The following GPLD1 variants were observed in gnomAD, a reference collection of about 807,000 sequenced individuals.
GPLD1 encodes phosphatidylinositol-glycan-specific phospholipase D.
A neutral mutation model predicts 112.6 loss-of-function variants in GPLD1; 84 were observed. The observed-to-expected ratio is 0.75, with a 90% CI of 0.63 to 0.89. The LOEUF (loss-of-function observed/expected upper bound fraction) is 0.89. GPLD1 is among the 40% of genes least tolerant of loss of function. The pLI is 0.00. For synonymous variants in GPLD1, 386 were observed against 403.8 expected, an observed-to-expected ratio of 0.96 and a Z score of 0.53; for missense variants, 1,044 against 1,051.5, an observed-to-expected ratio of 0.99 and a Z score of 0.10.
At chr6:24,435,230 C>G (rs1362716628) in intron 22 of GPLD1, among the ~76,000 whole-genome samples, 1 of 149,822 alleles carries the variant, frequency 6.7e-6, no homozygotes. Context: ...CCAGGATGGT[C>G]TCGATCTTCT....
Position 24,456,502 on chromosome 6 carries a change from C to T in GPLD1, c.1144G>A (p.Gly382Ser), listed in dbSNP as rs1206869839. The change falls in exon 13 of 25, where the codon GGC becomes AGC. Residue 382 changes from glycine (G) to serine (S), a missense_variant. Transcript: ENST00000230036. ...GTTAGATAAACTTATACGTACCAGC[C>T]AAGCCTCGCATAAGGAAATGACAAG... is the stretch of plus-strand genomic sequence containing the variant. ...YFLSFPYARLGWAMTSADLNQ... is the reference protein window; with the variant it reads ...YFLSFPYARLSWAMTSADLNQ... 4 of 1,603,174 alleles carry T rather than the reference C, an allele frequency of 2.5e-6. No homozygotes were observed. Among genetic ancestry groups the T allele is most frequent in the Non-Finnish European group, 3.4e-6 (4 of 1,174,096 alleles).
intron 18 of GPLD1, among the ~76,000 whole-genome samples, chr6:24,446,447 A>T (rs1486862080): frequency 6.6e-6 from 1 of 151,950 alleles, no homozygotes. Flanking sequence ...GCAGTGAGTT[A>T]CCACTGCCCT....
chr6:24,473,758 C>T (rs1016786136), intron 5 of GPLD1, 91 bp from the exon 6 acceptor site: 55 of 765,508 alleles, frequency 7.2e-5, no homozygotes, highest in Non-Finnish European at 1.3e-5. Context: ...GAGATGACAG[C>T]TAACTCAATG....
intron 10 of GPLD1, among the ~76,000 whole-genome samples, chr6:24,464,914 C>T (rs562290697): frequency 9.2e-5 from 14 of 152,252 alleles, no homozygotes; most frequent in African/African-American, 3.4e-4. Context: ...TTCTCTGGGC[C>T]AGGCATGGTG....
In GPLD1 at chr6:24,446,987, A is replaced by G. The variant is rs765949980; in HGVS notation, c.1679-8T>C. ...CCTCCACGTTCAGTTTTTCTAAAGA[A>G]GACAACTCATCCTTTTTACTAATAC... On this transcript the variant is annotated splice_polypyrimidine_tract_variant and splice_region_variant and intron_variant, in intron 17 of 24. Transcript: ENST00000230036. 22 of 1,612,174 alleles carry G rather than the reference A, an allele frequency of 1.4e-5. No homozygotes were observed. Among genetic ancestry groups the G allele is most frequent in the Non-Finnish European group, 1.7e-5 (20 of 1,178,922 alleles).
chr6:24,469,221 G>A lies in GPLD1; in HGVS notation c.546-1947C>T, dbSNP rs575492735. 1.4e-3 allele frequency among the ~76,000 whole-genome samples: 216 copies of A among 150,104 alleles called. 1 individual carries two copies. Among genetic ancestry groups the A allele is most frequent in the African/African-American group, 5.1e-3 (209 of 40,742 alleles). On this transcript the variant is annotated intron_variant, in intron 7 of 24. Transcript: ENST00000230036. Reference sequence around the variant, plus strand: ...CAACCATTGTGGAAGTCAGTGTGGCGATTCCTCAGGGATCTAGAACTAGAA... The same window carrying A: ...CAACCATTGTGGAAGTCAGTGTGGCAATTCCTCAGGGATCTAGAACTAGAA...
intron 4 of GPLD1, 34 bp downstream of exon 4, chr6:24,476,147 C>G: frequency 8.4e-7 from 1 of 1,184,862 alleles, no homozygotes; most frequent in Non-Finnish European, 1.2e-6. Context: ...AGGTTTGGTG[C>G]TAAATATTTT....
At position 24,437,358 on chromosome 6, in the gene GPLD1, C is replaced by T. The variant is rs1762612581; in HGVS notation, c.2021-69G>A. 4.3e-6 allele frequency: 6 copies of T among 1,399,980 alleles called. No individual in the cohort carries two copies. The Middle Eastern group carries it at 5.4e-4, about 126-fold the overall frequency. 86.7% of individuals were successfully genotyped at this position (1,399,980 alleles called of 1,614,324 possible). A position where few individuals can be genotyped will look rare whatever the true frequency, so the allele number is the denominator to read the frequency against. On this transcript the variant is annotated intron_variant, in intron 20 of 24. Transcript: ENST00000230036. ...CATTACAGAACACGGAATAGCACCC[C>T]ATCCTCAAGTGACACTGATCACTCG...
intron 1 of GPLD1, among the ~76,000 whole-genome samples, chr6:24,487,824 C>T (rs192800651): frequency 3.9e-5 from 6 of 152,218 alleles, no homozygotes; most frequent in East Asian, 1.9e-4. Context: ...GAAAGAACGC[C>T]GGACCAGCTG....
chr6:24,425,245 A>G (rs1015069263), downstream of GPLD1: 2 of 152,210 alleles, frequency 1.3e-5, no homozygotes, highest in Non-Finnish European at 2.9e-5. Flanking sequence ...CATAATAAGT[A>G]CTACTTAACT....
chr6:24,464,880 T>C (rs1763547963), intron 10 of GPLD1, among the ~76,000 whole-genome samples: 1 of 152,144 alleles, frequency 6.6e-6, no homozygotes, highest in Admixed American at 6.6e-5. Flanking sequence ...AGGCTGCATG[T>C]CCAACAGCAT....
At chr6:24,445,923 C>G (rs143847913) in intron 18 of GPLD1, 92 bp from the exon 19 acceptor site, 13 of 845,436 alleles carry the variant, frequency 1.5e-5, no homozygotes, top group Admixed American at 5.6e-5. Context: ...GCACCTCCCC[C>G]CATCCAGGCC....
At chr6:24,431,446 A>G (rs1177889515) in intron 24 of GPLD1, among the ~76,000 whole-genome samples, 1 of 152,182 alleles carries the variant, frequency 6.6e-6, no homozygotes, top group Non-Finnish European at 1.5e-5. Flanking sequence ...TTTCAAGAAC[A>G]GGGACTCTGC....
intron 20 of GPLD1, among the ~76,000 whole-genome samples, chr6:24,442,907 A>G (rs1762793117): frequency 6.6e-6 from 1 of 152,160 alleles, no homozygotes; most frequent in African/African-American, 2.4e-5. Context: ...ACTTTATCAT[A>G]GGAAAAAAAA....
chr6:24,431,894 G>C (rs2127310578), intron 24 of GPLD1, among the ~76,000 whole-genome samples: 1 of 152,178 alleles, frequency 6.6e-6, no homozygotes, highest in East Asian at 1.9e-4. Flanking sequence ...TTTAGATCTA[G>C]CAATCCTACT....
chr6:24,484,507 C>T (rs973893915), intron 2 of GPLD1, among the ~76,000 whole-genome samples: 15 of 152,226 alleles, frequency 9.9e-5, no homozygotes, highest in South Asian at 4.1e-4. Flanking sequence ...TGAGCCATCA[C>T]GCCTGGCCTA....
chr6:24,442,200 G>A (rs1371731399), intron 20 of GPLD1, among the ~76,000 whole-genome samples: 1 of 149,280 alleles, frequency 6.7e-6, no homozygotes, highest in Non-Finnish European at 1.5e-5. Context: ...ATAGCTCACT[G>A]CAGCCTTGAA....
At chr6:24,449,922 C>A (rs774958271) in intron 14 of GPLD1, 23 bp from the exon 15 acceptor site, 1 of 1,551,204 alleles carries the variant, frequency 6.4e-7, no homozygotes, top group South Asian at 1.1e-5. Flanking sequence ...AAGTTTACTT[C>A]CCCTGGGCTG....
At chr6:24,493,074 G>A (rs193098418), upstream of GPLD1, among the ~76,000 whole-genome samples, 266 of 152,216 alleles carry the variant, frequency 1.7e-3, 1 homozygote, top group Middle Eastern at 3.4e-3. Flanking sequence ...AGTGGGTACC[G>A]TTTGAAATAG....
Sources: allele counts gnomAD v4.1 joint callset (sites outside exome capture counted in the v4.1 genomes callset), GRCh38; gene constraint gnomAD v4.1.1; transcripts MANE v1.5; gene names NCBI Gene and HGNC (gene_info 2026-07-23, HGNC 2026-07-21).